Variants in COX7B2 observed in about 807,000 individuals in gnomAD.
The protein encoded by COX7B2 is cytochrome c oxidase subunit 7B2, mitochondrial.
For missense variants in COX7B2, 109 were observed against 95.9 expected (o/e 1.14, Z -0.57); for synonymous variants, 37 against 32.1 (o/e 1.15, Z -0.51).
At chr4:46,855,164 C>T (rs1451443008) in intron 1 of COX7B2, among the ~76,000 whole-genome samples, 1 of 152,002 alleles carries the variant, frequency 6.6e-6, no homozygotes, top group Non-Finnish European at 1.5e-5. Context: ...CCTATCTCTA[C>T]TAAAAATACA....
chr4:46,862,635 G>C (rs1421469264), intron 1 of COX7B2, among the ~76,000 whole-genome samples: 2 of 152,164 alleles, frequency 1.3e-5, no homozygotes, highest in African/African-American at 4.8e-5. Context: ...ACTAATTTAA[G>C]ATTGTTGGTT....
intron 2 of COX7B2, among the ~76,000 whole-genome samples, chr4:46,829,870 A>G (rs1198955261): frequency 6.6e-6 from 1 of 152,216 alleles, no homozygotes; most frequent in Non-Finnish European, 1.5e-5. Flanking sequence ...ACTTTATTAC[A>G]TATAGTTTTG....
intron 2 of COX7B2, among the ~76,000 whole-genome samples, chr4:46,811,514 A>G (rs1719284360): frequency 6.6e-6 from 1 of 151,944 alleles, no homozygotes; most frequent in Non-Finnish European, 1.5e-5. Context: ...CTCCTATTTG[A>G]ATTTCTCATT....
At chr4:46,756,176 A>G (rs1252891176) in intron 2 of COX7B2, among the ~76,000 whole-genome samples, 1 of 152,076 alleles carries the variant, frequency 6.6e-6, no homozygotes, top group Non-Finnish European at 1.5e-5. Context: ...CAACCAACTG[A>G]TCTTCAACAA....
At chr4:46,770,850 A>G (rs1012132659) in intron 2 of COX7B2, among the ~76,000 whole-genome samples, 11 of 152,170 alleles carry the variant, frequency 7.2e-5, no homozygotes, top group African/African-American at 2.2e-4. Context: ...ACTTAAAAAT[A>G]AGACCGGAAA....
chr4:46,864,737 CG>C (rs1717552237), intron 1 of COX7B2, among the ~76,000 whole-genome samples: 1 of 151,972 alleles, frequency 6.6e-6, no homozygotes, highest in African/African-American at 2.4e-5. Context: ...CTCCACCTCC[CG>C]GGTTCACGCC....
In COX7B2 at chr4:46,900,849, G is replaced by A. The variant is rs1057231559; in HGVS notation, c.-105+8311C>T. Among the ~76,000 whole-genome samples the A allele has an allele frequency of 5.3e-5, 8 of 152,204 alleles. 2 individuals are homozygous for A. The highest frequency in any genetic ancestry group is 1.3e-4 in the Admixed American group (2 of 15,278). On this transcript the variant is annotated intron_variant, in intron 1 of 2. Coordinates refer to ENST00000355591, the MANE Select transcript of COX7B2 (RefSeq NM_130902.3). ...TAAGTCTTGGACTTCCCAGTCCCCAGAACTATGCGACATAAATTACTGTTG... is the reference window on the plus strand; with the variant it reads ...TAAGTCTTGGACTTCCCAGTCCCCAAAACTATGCGACATAAATTACTGTTG...
chr4:46,816,055 ACT>A (rs1462469494), intron 2 of COX7B2, among the ~76,000 whole-genome samples: 1 of 152,080 alleles, frequency 6.6e-6, no homozygotes, highest in Non-Finnish European at 1.5e-5. Context: ...AATGGTGGCC[ACT>A]CTCGGTCAGT....
chr4:46,761,444 C>T (rs890067225), intron 2 of COX7B2, among the ~76,000 whole-genome samples: 1 of 152,076 alleles, frequency 6.6e-6, no homozygotes, highest in Non-Finnish European at 1.5e-5. Context: ...TAGATTATAT[C>T]GCTTTAATTT....
At chr4:46,908,980 C>G (rs1288764577) in intron 1 of COX7B2, among the ~76,000 whole-genome samples, 180 bp downstream of exon 1, 4 of 151,576 alleles carry the variant, frequency 2.6e-5, no homozygotes, top group African/African-American at 9.7e-5. Context: ...GGAGGCGGAG[C>G]TTGCAGTGAG....
At chr4:46,817,735 A>G (rs988279939) in intron 2 of COX7B2, among the ~76,000 whole-genome samples, 1 of 152,194 alleles carries the variant, frequency 6.6e-6, no homozygotes, top group Admixed American at 6.5e-5. Flanking sequence ...AAATTTAAAG[A>G]AAGCCAGGAG....
In COX7B2 at chr4:46,835,372, C is replaced by T. The variant is rs375594041; in HGVS notation, c.-50+9588G>A. On this transcript the variant is annotated intron_variant, in intron 2 of 2. Coordinates refer to ENST00000355591, the MANE Select transcript of COX7B2 (RefSeq NM_130902.3). ...GCGTAAACATCCTAAAATGAAAATG[C>T]GTTGCTTTTAAAATCAGAAAAAAAA... Among the ~76,000 whole-genome samples, 13 of 151,764 alleles carry T rather than the reference C, an allele frequency of 8.6e-5. No homozygotes were observed. In the South Asian group the frequency reaches 1.3e-3, roughly 15 times the overall value.
intron 2 of COX7B2, among the ~76,000 whole-genome samples, chr4:46,799,860 C>T (rs1718557812): frequency 6.6e-6 from 1 of 152,006 alleles, no homozygotes; most frequent in Non-Finnish European, 1.5e-5. Flanking sequence ...AATAATGCTT[C>T]ATAAAATAAG....
intron 2 of COX7B2, among the ~76,000 whole-genome samples, chr4:46,780,445 A>T (rs187976532): frequency 1.8e-3 from 279 of 152,332 alleles, no homozygotes; most frequent in African/African-American, 6.2e-3. Flanking sequence ...TGAACCCAGG[A>T]GGCAGAGCTT....
chr4:46,773,791 G>A (rs1455810632), intron 2 of COX7B2, among the ~76,000 whole-genome samples: 3 of 152,096 alleles, frequency 2.0e-5, no homozygotes, highest in Non-Finnish European at 4.4e-5. Context: ...CTAAAATACA[G>A]TGTAGGGCAA....
chr4:46,836,041 TG>T (rs1715494072), intron 2 of COX7B2, among the ~76,000 whole-genome samples: 1 of 152,166 alleles, frequency 6.6e-6, no homozygotes, highest in Non-Finnish European at 1.5e-5. Flanking sequence ...CACTTATGAA[TG>T]GAGCTTGCAA....
chr4:46,841,862 A>T lies in COX7B2; in HGVS notation c.-50+3098T>A, dbSNP rs565441208. Reference sequence around the variant, plus strand: ...ATTACAGGAAATCTGGTATATAAAAATCAAAAAATAATTCTTAACCCATAA... The same window carrying T: ...ATTACAGGAAATCTGGTATATAAAATTCAAAAAATAATTCTTAACCCATAA... On this transcript the variant is annotated intron_variant, in intron 2 of 2. Transcript: ENST00000355591. Among the ~76,000 whole-genome samples the T allele has an allele frequency of 3.9e-5, 6 of 152,118 alleles. No homozygotes were observed. The East Asian group carries it at 1.2e-3, about 29-fold the overall frequency.
At chr4:46,736,652 C>A (rs1027355460) in intron 2 of COX7B2, among the ~76,000 whole-genome samples, 2 of 152,124 alleles carry the variant, frequency 1.3e-5, no homozygotes, top group African/African-American at 2.4e-5. Flanking sequence ...AACCACTGAT[C>A]TTTTTACTGT....
intron 1 of COX7B2, among the ~76,000 whole-genome samples, chr4:46,892,127 T>C (rs1226169481): frequency 6.6e-6 from 1 of 152,172 alleles, no homozygotes; most frequent in Non-Finnish European, 1.5e-5. Flanking sequence ...AGAGGAGTCA[T>C]GGATTCCCTC....
Sources: gnomAD v4.1 joint callset for allele counts (sites outside exome capture counted in the v4.1 genomes callset) on GRCh38, gnomAD v4.1.1 for gene constraint, MANE v1.5 for transcripts, NCBI Gene and HGNC (gene_info 2026-07-23, HGNC 2026-07-21) for gene names.